COL18A1: variants seen among roughly 807,000 people sequenced by gnomAD.
The protein encoded by COL18A1 is collagen type XVIII alpha 1 chain.
COL18A1 carries 133 observed loss-of-function variants against 168.0 expected under a neutral mutation model. The observed-to-expected ratio is 0.79, with a 90% CI of 0.69 to 0.91. The LOEUF (loss-of-function observed/expected upper bound fraction) is 0.91, where lower values mean the gene tolerates loss of function less well. Ranked by LOEUF, COL18A1 falls within the 40% of genes least tolerant of loss-of-function variation. The pLI is 0.00. For missense variants in COL18A1, 2,126 were observed against 1,925.4 expected (o/e 1.10, Z -1.95); for synonymous variants, 949 against 809.0 (o/e 1.17, Z -2.94).
At chr21:45,452,758 A>C (rs2034657565) in intron 2 of COL18A1, among the ~76,000 whole-genome samples, 1 of 150,118 alleles carries the variant, frequency 6.7e-6, no homozygotes, top group Non-Finnish European at 1.5e-5. Flanking sequence ...GTGATTGTGT[A>C]TGCATGTGAG....
At chr21:45,453,205 CAT>C (rs374482806) in intron 2 of COL18A1, among the ~76,000 whole-genome samples, 77 of 152,266 alleles carry the variant, frequency 5.1e-4, no homozygotes, top group African/African-American at 1.3e-3. Flanking sequence ...TCATGTGTGA[CAT>C]GTGAGCATGT....
intron 9 of COL18A1, among the ~76,000 whole-genome samples, chr21:45,479,634 G>A (rs1568907411): frequency 6.6e-6 from 1 of 152,018 alleles, no homozygotes; most frequent in Non-Finnish European, 1.5e-5. Context: ...TAACACCCAA[G>A]CACCAGCTGT....
At chr21:45,416,617 C>T (rs2033453713) in intron 2 of COL18A1, among the ~76,000 whole-genome samples, 1 of 152,136 alleles carries the variant, frequency 6.6e-6, no homozygotes, top group Non-Finnish European at 1.5e-5. Context: ...CGCGGTCCGT[C>T]CTCTGTGACC....
chr21:45,449,029 A>G (rs1345700795), intron 2 of COL18A1, among the ~76,000 whole-genome samples: 1 of 152,146 alleles, frequency 6.6e-6, no homozygotes, highest in Non-Finnish European at 1.5e-5. Context: ...GCCTCCTGTC[A>G]GGGGCAGAGG....
Position 45,443,139 on chromosome 21 carries a change from G to A in COL18A1, c.107-25103G>A, listed in dbSNP as rs182703762. 4.8e-4 allele frequency among the ~76,000 whole-genome samples: 55 copies of A among 113,738 alleles called. 1 individual carries two copies. The highest frequency in any genetic ancestry group is 1.7e-3 in the African/African-American group (51 of 30,728). 74.6% of individuals were successfully genotyped at this position (113,738 alleles called of 152,430 possible). On this transcript the variant is annotated intron_variant, in intron 2 of 41. Transcript: ENST00000651438. The surrounding 1 kb of genome is among the most constrained non-coding windows in gnomAD (Gnocchi z 5.2). ...GGGCGGCGGTGCTGGTGTGGGCGGC[G>A]GTGCTGGTGTGGGCGGCGGTGCTGG... is the stretch of plus-strand genomic sequence containing the variant.
chr21:45,446,449 G>T (rs1406204041), intron 2 of COL18A1, among the ~76,000 whole-genome samples: 1 of 152,200 alleles, frequency 6.6e-6, no homozygotes, highest in Non-Finnish European at 1.5e-5. Flanking sequence ...TACTCAAACT[G>T]ATTCAACAAG....
intron 2 of COL18A1, among the ~76,000 whole-genome samples, chr21:45,441,930 G>T (rs1026724630): frequency 1.3e-5 from 2 of 152,238 alleles, no homozygotes; most frequent in Non-Finnish European, 2.9e-5. Context: ...GGGTCTCGGG[G>T]TCTCCCTGCC....
intron 28 of COL18A1, 115 bp downstream of exon 28, chr21:45,495,030 GTCC>G: frequency 1.1e-6 from 1 of 935,162 alleles, no homozygotes; most frequent in East Asian, 2.6e-5. Context: ...CGCACCCACT[GTCC>G]TCCCCCAAGA....
intron 15 of COL18A1, among the ~76,000 whole-genome samples, chr21:45,484,488 GCACA>G (rs757634976): frequency 2.3e-4 from 33 of 145,320 alleles, no homozygotes; most frequent in East Asian, 6.2e-4. Flanking sequence ...CAGCATATGT[GCACA>G]CACACACATG....
intron 2 of COL18A1, among the ~76,000 whole-genome samples, chr21:45,458,191 G>A (rs1198169776): frequency 6.6e-6 from 1 of 151,838 alleles, no homozygotes; most frequent in Non-Finnish European, 1.5e-5. Flanking sequence ...CCTGGTGTGT[G>A]CAGGAGTGGG....
At chr21:45,418,081 G>A (rs1019207263) in intron 2 of COL18A1, among the ~76,000 whole-genome samples, 3 of 152,236 alleles carry the variant, frequency 2.0e-5, no homozygotes, top group South Asian at 2.1e-4. Flanking sequence ...GAGTGGGGGC[G>A]CCTGGCGTGG....
At chr21:45,492,595 G>C in intron 23 of COL18A1, 31 bp downstream of exon 23, 1 of 1,612,904 alleles carries the variant, frequency 6.2e-7, no homozygotes, top group South Asian at 1.1e-5. Flanking sequence ...TAAGAGACGG[G>C]CCTGCGGGGA....
At chr21:45,445,033 G>A (rs2034474627) in intron 2 of COL18A1, among the ~76,000 whole-genome samples, 1 of 152,166 alleles carries the variant, frequency 6.6e-6, no homozygotes, top group African/African-American at 2.4e-5. Flanking sequence ...CAATCCAGTG[G>A]TTTTCAGTAT....
intron 32 of COL18A1, among the ~76,000 whole-genome samples, chr21:45,499,745 T>C (rs1032733475): frequency 3.9e-5 from 6 of 152,268 alleles, no homozygotes; most frequent in Non-Finnish European, 8.8e-5. Context: ...TGGAGAGGAA[T>C]GCAGAGCTAA....
intron 2 of COL18A1, among the ~76,000 whole-genome samples, chr21:45,426,605 G>A (rs1379791145): frequency 6.6e-6 from 1 of 152,194 alleles, no homozygotes; most frequent in Non-Finnish European, 1.5e-5. Context: ...TTCCGGCCCT[G>A]GAAGCCCCCA....
chr21:45,455,943 C>T (rs1469530081), intron 2 of COL18A1: 4 of 1,613,080 alleles, frequency 2.5e-6, no homozygotes, highest in Admixed American at 3.3e-5. Flanking sequence ...GAGAGCTTGG[C>T]CAGGGCGGAA....
chr21:45,477,872 T>TC lies in COL18A1; in HGVS notation c.1130dup (p.Ala378CysfsTer35). On this transcript the variant is annotated frameshift_variant, in exon 8 of 42. Transcript: ENST00000651438. LOFTEE classifies it high-confidence loss of function. ...TCCCGTGCCCAGTGAGTCCCCTGGG[T>TC]CCTGCAGGCCCAGCGTTGCAAACTG... The TC allele has an allele frequency of 6.4e-7, 1 of 1,554,854 alleles. No homozygotes were observed. The highest frequency in any genetic ancestry group is 8.7e-7 in the Non-Finnish European group (1 of 1,148,564).
chr21:45,445,614 C>T (rs2034487398), intron 2 of COL18A1, among the ~76,000 whole-genome samples: 1 of 152,186 alleles, frequency 6.6e-6, no homozygotes, highest in African/African-American at 2.4e-5. Flanking sequence ...TTTGCCATCA[C>T]TTGTTTTTCT....
intron 5 of COL18A1, 98 bp from the exon 6 acceptor site, chr21:45,476,253 T>C: frequency 1.3e-6 from 2 of 1,554,584 alleles, no homozygotes; most frequent in Middle Eastern, 4.2e-4. Context: ...TTTCTTTATC[T>C]TTCTTGCGAT....
Sources: allele counts gnomAD v4.1 joint callset (sites outside exome capture counted in the v4.1 genomes callset), GRCh38; gene constraint gnomAD v4.1.1; non-coding constraint Gnocchi (gnomAD v3.1); transcripts MANE v1.5; gene names NCBI Gene and HGNC (gene_info 2026-07-23, HGNC 2026-07-21).